The following ANO3 variants were observed in gnomAD, a reference collection of about 807,000 sequenced individuals.
ANO3 encodes the protein anoctamin 3, also known as anoctamin-3.
A neutral mutation model predicts 144.8 loss-of-function variants in ANO3; 99 were observed. The ratio of observed to expected loss-of-function variants is 0.68; its 90% CI spans 0.58 to 0.81. ANO3 has a LOEUF of 0.81. ANO3 is among the 30% of genes least tolerant of loss of function. The pLI, the probability that ANO3 is intolerant of heterozygous loss-of-function variation, is 0.00. For missense variants in ANO3, 905 were observed against 1,202.2 expected, an observed-to-expected ratio of 0.75 and a Z score of 3.66; for synonymous variants, 414 against 392.6, an observed-to-expected ratio of 1.05 and a Z score of -0.64.
chr11:26,476,826 G>A (rs2134080213), intron 4 of ANO3, among the ~76,000 whole-genome samples: 1 of 151,820 alleles, frequency 6.6e-6, no homozygotes, highest in Admixed American at 6.6e-5. Flanking sequence ...CACTGGAATT[G>A]ATTACTTAAT....
intron 18 of ANO3, among the ~76,000 whole-genome samples, chr11:26,628,283 A>G (rs1016846464): frequency 6.6e-6 from 1 of 152,216 alleles, no homozygotes; most frequent in Non-Finnish European, 1.5e-5. Flanking sequence ...CAGTGTTAAA[A>G]TCGTAACACA....
At chr11:26,525,523 A>G in intron 6 of ANO3, 112 bp from the exon 7 acceptor site, 1 of 764,080 alleles carries the variant, frequency 1.3e-6, no homozygotes, top group Non-Finnish European at 2.2e-6. Flanking sequence ...AAGTTTCTTA[A>G]GCATACGGAA....
At chr11:26,653,136 G>T (rs954780224) in intron 24 of ANO3, among the ~76,000 whole-genome samples, 1 of 151,990 alleles carries the variant, frequency 6.6e-6, no homozygotes, top group East Asian at 1.9e-4. Context: ...ATCGATCTAC[G>T]CTCATACCTG....
At chr11:26,608,522 A>G (rs1253551848) in intron 17 of ANO3, among the ~76,000 whole-genome samples, 1 of 152,052 alleles carries the variant, frequency 6.6e-6, no homozygotes, top group Non-Finnish European at 1.5e-5. Flanking sequence ...GGCTGCCTGG[A>G]TTTCTCAGAA....
At chr11:26,645,883 C>T (rs1853327447) in intron 23 of ANO3, among the ~76,000 whole-genome samples, 1 of 152,096 alleles carries the variant, frequency 6.6e-6, no homozygotes, top group Non-Finnish European at 1.5e-5. Context: ...AATATAAGCA[C>T]ATTAAAGAAA....
chr11:26,274,607 T>C (rs1317754031), intron 1 of ANO3, among the ~76,000 whole-genome samples: 1 of 152,142 alleles, frequency 6.6e-6, no homozygotes, highest in Admixed American at 6.6e-5. Flanking sequence ...ATTATGAACA[T>C]GCTAGTTTCC....
At chr11:26,329,107 A>T (rs555756323), upstream of ANO3, among the ~76,000 whole-genome samples, 30 of 152,276 alleles carry the variant, frequency 2.0e-4, no homozygotes, top group Non-Finnish European at 4.3e-4. Context: ...AACCCAACAT[A>T]GTTCATAGTT....
intron 1 of ANO3, among the ~76,000 whole-genome samples, chr11:26,340,153 ATT>A (rs1855317884): frequency 6.6e-6 from 1 of 151,700 alleles, no homozygotes; most frequent in South Asian, 2.1e-4. Context: ...GACCAAAGGC[ATT>A]TCCTAAAAAT....
intron 1 of ANO3, among the ~76,000 whole-genome samples, chr11:26,439,554 A>G (rs1321083796): frequency 1.3e-5 from 2 of 152,254 alleles, no homozygotes; most frequent in Non-Finnish European, 2.9e-5. Context: ...TGATGTTTGC[A>G]CGACTCTGTG....
chr11:26,440,147 A>G (rs1392498402), intron 1 of ANO3, among the ~76,000 whole-genome samples: 1 of 152,130 alleles, frequency 6.6e-6, no homozygotes, highest in African/African-American at 2.4e-5. Flanking sequence ...ATCTCAACTC[A>G]GGTGTCAATA....
At chr11:26,189,746 G>T (rs1851440342) in intron 1 of ANO3, among the ~76,000 whole-genome samples, 1 of 151,882 alleles carries the variant, frequency 6.6e-6, no homozygotes, top group African/African-American at 2.4e-5. Flanking sequence ...TTATATAAAG[G>T]ATAATATATT....
At chr11:26,521,078 G>T in intron 6 of ANO3, among the ~76,000 whole-genome samples, 1 of 151,980 alleles carries the variant, frequency 6.6e-6, no homozygotes, top group East Asian at 1.9e-4. Flanking sequence ...TATTTACAAT[G>T]TACACTGGAA....
chr11:26,215,103 G>C (rs772701858), intron 1 of ANO3, among the ~76,000 whole-genome samples: 6 of 151,838 alleles, frequency 4.0e-5, no homozygotes, highest in Admixed American at 6.6e-5. Context: ...CCTGAATGAG[G>C]TGGTGTTTGT....
intron 3 of ANO3, among the ~76,000 whole-genome samples, chr11:26,449,505 A>T (rs1858837980): frequency 7.3e-5 from 3 of 41,124 alleles, no homozygotes; most frequent in African/African-American, 1.6e-4. Flanking sequence ...ACACACACAC[A>T]CACACACACA....
intron 3 of ANO3, among the ~76,000 whole-genome samples, chr11:26,446,639 C>G (rs544799705): frequency 6.6e-6 from 1 of 152,162 alleles, no homozygotes; most frequent in Non-Finnish European, 1.5e-5. Context: ...TTGGTCAAAT[C>G]TTTATTCTTA....
intron 1 of ANO3, among the ~76,000 whole-genome samples, chr11:26,346,342 T>C: frequency 6.6e-6 from 1 of 152,210 alleles, no homozygotes; most frequent in Non-Finnish European, 1.5e-5. Flanking sequence ...TTATGAAATT[T>C]AGTAATTTAC....
chr11:26,630,152 G>A (rs767839890), intron 18 of ANO3, among the ~76,000 whole-genome samples: 2 of 152,066 alleles, frequency 1.3e-5, no homozygotes, highest in Non-Finnish European at 2.9e-5. Flanking sequence ...CAGAAGAGTG[G>A]ATGAAAAATT....
intron 1 of ANO3, among the ~76,000 whole-genome samples, chr11:26,221,723 G>C (rs72872704): frequency 0.013 from 1,772 of 137,738 alleles, 13 homozygotes; most frequent in Non-Finnish European, 0.019. Context: ...GGTGATGCAA[G>C]AGCAGGTACA....
At chr11:26,505,102 T>C (rs1163507983) in intron 4 of ANO3, among the ~76,000 whole-genome samples, 3 of 150,586 alleles carry the variant, frequency 2.0e-5, no homozygotes, top group African/African-American at 7.3e-5. Context: ...TAGAGATTAC[T>C]ATGGTTTAGA....
Sources: gnomAD v4.1 joint callset for allele counts (sites outside exome capture counted in the v4.1 genomes callset) on GRCh38, gnomAD v4.1.1 for gene constraint, MANE v1.5 for transcripts, NCBI Gene and HGNC (gene_info 2026-07-23, HGNC 2026-07-21) for gene names.